The following ZNF846 variants were observed in gnomAD, a reference collection of about 807,000 sequenced individuals.
ZNF846 encodes zinc finger protein 420 pseudogene.
In ZNF846, 15 loss-of-function variants were observed where a neutral mutation model predicts 16.0. That is an observed-to-expected ratio of 0.94 (90% CI 0.63 to 1.45). The LOEUF (loss-of-function observed/expected upper bound fraction) is 1.45, where lower values mean the gene tolerates loss of function less well. Ranked by LOEUF, ZNF846 falls within the 40% of genes most tolerant of loss-of-function variation. The pLI is 0.00. For missense variants in ZNF846, 714 were observed against 622.3 expected, an observed-to-expected ratio of 1.15 and a Z score of -1.57; for synonymous variants, 229 against 212.0, an observed-to-expected ratio of 1.08 and a Z score of -0.70.
At chr19:9,757,069 C>T (rs1289598894), downstream of ZNF846, among the ~76,000 whole-genome samples, 3 of 151,404 alleles carry the variant, frequency 2.0e-5, no homozygotes, top group South Asian at 4.1e-4. Context: ...GTGGCACATG[C>T]CCGTAGTCCC....
exon 6 of ZNF846, chr19:9,758,611 G>A: frequency 1.2e-6 from 2 of 1,612,990 alleles, no homozygotes. Flanking sequence ...AAACTATGAG[G>A]AAAGTTCTTT....
intron 1 of ZNF846, among the ~76,000 whole-genome samples, chr19:9,766,402 G>C (rs1237301543): frequency 7.9e-6 from 1 of 126,128 alleles, no homozygotes. Flanking sequence ...GACAGAGCAA[G>C]ACTCTGTCAC....
chr19:9,754,131 C>G (rs1366622326), downstream of ZNF846, among the ~76,000 whole-genome samples: 1 of 151,538 alleles, frequency 6.6e-6, no homozygotes. Flanking sequence ...CTCTCATTCA[C>G]TCTCTCTTCT....
In ZNF846 at chr19:9,783,544, A is replaced by ATAT. The variant is rs59645706; in HGVS notation, c.-86+2393_-86+2394insATA. ...TCATCACTAAAAAAAAAAAAAAAAA[A>ATAT]ATATATATATATATATATATATTCT... On this transcript the variant is annotated intron_variant, in intron 1 of 4. Transcript: ENST00000586814. Among the ~76,000 whole-genome samples the ATAT allele has an allele frequency of 1.9e-3, 204 of 108,750 alleles. 1 individual carries two copies. The highest frequency in any genetic ancestry group is 4.3e-3 in the Middle Eastern group (1 of 232). 71.3% of individuals were successfully genotyped at this position (108,750 alleles called of 152,430 possible).
rs977134869 is a variant in ZNF846, at chr19:9,760,234, G to A, written c.230-292C>T. On this transcript the variant is annotated intron_variant, in intron 4 of 5. Coordinates refer to ENST00000397902, the Ensembl canonical transcript of ZNF846. Reference sequence around the variant, plus strand: ...CTTGAACCCAGAGGGTGGAGGTTGCGGTGAGGTGAGATCCACCACTGCACT... The same window carrying A: ...CTTGAACCCAGAGGGTGGAGGTTGCAGTGAGGTGAGATCCACCACTGCACT... 3.6e-4 allele frequency among the ~76,000 whole-genome samples: 54 copies of A among 151,178 alleles called. 1 individual carries two copies. The highest frequency in any genetic ancestry group is 6.6e-4 in the African/African-American group (27 of 40,764).
intron 1 of ZNF846, among the ~76,000 whole-genome samples, chr19:9,774,309 A>C (rs2045414870): frequency 6.6e-6 from 1 of 152,098 alleles, no homozygotes; most frequent in South Asian, 2.1e-4. Context: ...TCTACTAAAA[A>C]TACAAAAAAT....
chr19:9,762,135 G>C (rs1171461833), exon 4 of ZNF846: 1 of 1,614,046 alleles, frequency 6.2e-7, no homozygotes, highest in East Asian at 2.2e-5. Flanking sequence ...TTCCAATCCA[G>C]ACATGAGACT....
At chr19:9,776,558 C>T (rs551634735) in intron 1 of ZNF846, among the ~76,000 whole-genome samples, 152 of 152,358 alleles carry the variant, frequency 1.0e-3, no homozygotes, top group African/African-American at 3.4e-3. Context: ...AGATGACTCA[C>T]ACTCTTTACC....
chr19:9,778,113 A>G (rs767909223), intron 1 of ZNF846, among the ~76,000 whole-genome samples: 4 of 152,204 alleles, frequency 2.6e-5, no homozygotes, highest in Admixed American at 2.6e-4. Context: ...ACCTAATGGT[A>G]TATCTACTAG....
intron 2 of ZNF846, among the ~76,000 whole-genome samples, chr19:9,763,878 A>G (rs980817589): frequency 6.6e-6 from 1 of 152,184 alleles, no homozygotes; most frequent in African/African-American, 2.4e-5. Context: ...CTGTAGGGAG[A>G]CCCACTGAAA....
chr19:9,758,034 A>G, exon 6 of ZNF846: 1 of 1,612,634 alleles, frequency 6.2e-7, no homozygotes, highest in South Asian at 1.1e-5. Context: ...TGAGGAATGA[A>G]TAAAAGCTTT....
exon 6 of ZNF846, chr19:9,758,701 G>A: frequency 1.2e-6 from 2 of 1,608,446 alleles, no homozygotes; most frequent in East Asian, 2.2e-5. Context: ...AGAAATGGGT[G>A]TTCATTGAAG....
At chr19:9,777,193 A>T (rs2045454776) in intron 1 of ZNF846, among the ~76,000 whole-genome samples, 1 of 151,586 alleles carries the variant, frequency 6.6e-6, no homozygotes, top group Admixed American at 6.6e-5. Context: ...ATGGCCAAGC[A>T]TGGTGGCTTG....
At chr19:9,758,480 T>A in exon 6 of ZNF846, 2 of 1,613,580 alleles carry the variant, frequency 1.2e-6, no homozygotes, top group Non-Finnish European at 1.7e-6. Context: ...AGTCTTTGCA[T>A]TCACACAATT....
Position 9,762,077 on chromosome 19 carries a change from C to T in ZNF846, c.229+5G>A. The T allele has an allele frequency of 2.5e-6, 4 of 1,612,964 alleles. No homozygotes were observed. The highest frequency in any genetic ancestry group is 3.4e-6 in the Non-Finnish European group (4 of 1,179,010). On this transcript the variant is annotated splice_donor_5th_base_variant and intron_variant, in intron 4 of 5. Coordinates refer to ENST00000397902, the Ensembl canonical transcript of ZNF846. ...CCATAATACCACATCTGCTTATGAA[C>T]TCACCCTGCAGAACTCCTGTCACTC...
intron 4 of ZNF846, among the ~76,000 whole-genome samples, chr19:9,761,145 G>C (rs2045220738): frequency 6.6e-6 from 1 of 152,136 alleles, no homozygotes; most frequent in South Asian, 2.1e-4. Flanking sequence ...GGAGGTTGCA[G>C]TGAGCCAAGA....
chr19:9,758,481 T>C, exon 6 of ZNF846: 1 of 1,613,566 alleles, frequency 6.2e-7, no homozygotes, highest in Non-Finnish European at 8.5e-7. Flanking sequence ...GTCTTTGCAT[T>C]CACACAATTT....
intron 2 of ZNF846, 157 bp from the exon 3 acceptor site, chr19:9,763,565 A>C (rs1168725997): frequency 1.9e-6 from 1 of 539,592 alleles, no homozygotes; most frequent in Non-Finnish European, 3.1e-6. Flanking sequence ...AATGGCATCC[A>C]ATCCCATGGA....
chr19:9,765,183 GC>G, intron 1 of ZNF846, 148 bp from the exon 2 acceptor site: 1 of 530,704 alleles, frequency 1.9e-6, no homozygotes, highest in Non-Finnish European at 3.4e-6. Context: ...GACCAGCCTG[GC>G]CAACAGGGTG....
Sources: gnomAD v4.1 joint callset for allele counts (sites outside exome capture counted in the v4.1 genomes callset) on GRCh38, gnomAD v4.1.1 for gene constraint, MANE v1.5 for transcripts, NCBI Gene and HGNC (gene_info 2026-07-23, HGNC 2026-07-21) for gene names.